The following DIP2B variants were observed in gnomAD, a reference collection of about 807,000 sequenced individuals.
DIP2B encodes the protein disco-interacting protein 2 homolog B.
Under a neutral mutation model 198.0 loss-of-function variants are expected in DIP2B, and 76 were observed. The ratio of observed to expected loss-of-function variants is 0.38; its 90% CI spans 0.32 to 0.46. DIP2B has a LOEUF of 0.46. DIP2B is among the 20% of genes least tolerant of loss of function. The probability of loss-of-function intolerance (pLI) is 0.99; values close to 1 mark genes in which losing one functional copy is unlikely to be tolerated. For missense variants in DIP2B, 1,559 were observed against 1,978.4 expected (o/e 0.79, Z 4.02); for synonymous variants, 701 against 739.1 (o/e 0.95, Z 0.84).
At chr12:50,548,386 A>G (rs1171330771) in intron 1 of DIP2B, among the ~76,000 whole-genome samples, 1 of 152,326 alleles carries the variant, frequency 6.6e-6, no homozygotes, top group Admixed American at 6.5e-5. Flanking sequence ...TTGTATTTGT[A>G]TGCATACTCA....
At chr12:50,563,788 G>A (rs1252087359) in intron 1 of DIP2B, among the ~76,000 whole-genome samples, 1 of 145,008 alleles carries the variant, frequency 6.9e-6, no homozygotes, top group African/African-American at 2.5e-5. Flanking sequence ...AAGCCACCTT[G>A]CCCAGCCTAA....
intron 1 of DIP2B, among the ~76,000 whole-genome samples, chr12:50,540,760 A>G (rs925050947): frequency 6.6e-6 from 1 of 151,146 alleles, no homozygotes; most frequent in African/African-American, 2.4e-5. Context: ...CGTGGTCTCG[A>G]TCTCCTGACC....
intron 1 of DIP2B, among the ~76,000 whole-genome samples, chr12:50,524,180 A>T (rs1958143236): frequency 1.3e-5 from 2 of 152,050 alleles, no homozygotes; most frequent in South Asian, 2.1e-4. Flanking sequence ...TTCTAAATCT[A>T]CTTCTTTCCA....
chr12:50,527,542 G>A (rs1023857953), intron 1 of DIP2B, among the ~76,000 whole-genome samples: 2 of 152,126 alleles, frequency 1.3e-5, no homozygotes, highest in East Asian at 1.9e-4. Flanking sequence ...TTGGGAGGCC[G>A]AGGCGGGAGG....
intron 1 of DIP2B, among the ~76,000 whole-genome samples, chr12:50,550,073 G>A (rs961445655): frequency 2.6e-5 from 4 of 152,070 alleles, no homozygotes; most frequent in Admixed American, 1.3e-4. Flanking sequence ...TTTAACCAGC[G>A]GGATGGCAGC....
At chr12:50,522,491 A>G (rs193210637) in intron 1 of DIP2B, among the ~76,000 whole-genome samples, 152 of 152,246 alleles carry the variant, frequency 1.0e-3, no homozygotes, top group African/African-American at 3.5e-3. Flanking sequence ...TTAGACTGGG[A>G]CAATTAAATG....
rs1287672970 is a variant in DIP2B, at chr12:50,727,780, G to A, written c.3478G>A (p.Val1160Ile). ...GATGTTGGCATATCTTGATTTTAGT[G>A]TCTCCACAACTGGCATGCTTACAGG... ...PEMLAYLDFS[V>I]STTGMLTGVK... Residue 1160 changes from valine to isoleucine, a missense_variant, in exon 29 of 38, where the codon GTC becomes ATC. Transcript: ENST00000301180. The A allele has an allele frequency of 1.9e-6, 3 of 1,613,996 alleles. No individual in the cohort carries two copies. Among genetic ancestry groups the A allele is most frequent in the Non-Finnish European group, 1.7e-6 (2 of 1,180,010 alleles).
At chr12:50,694,504 AATACATACATAC>A (rs59419587) in intron 14 of DIP2B, among the ~76,000 whole-genome samples, 13,159 of 143,594 alleles carry the variant, frequency 0.092, 642 homozygotes, top group East Asian at 0.14. Flanking sequence ...CAGATAAATA[AATACATACATAC>A]ATACATACAT....
In DIP2B at chr12:50,741,406, T is replaced by C. The variant is rs372698618; in HGVS notation, c.4355-10T>C. On this transcript the variant is annotated splice_polypyrimidine_tract_variant and intron_variant, in intron 36 of 37. Coordinates refer to ENST00000301180, the MANE Select transcript of DIP2B (RefSeq NM_173602.3). ...TCCAAGCCACATTTCTCTCTTTTTC[T>C]TTCTGTCAGAGCGTCATGATGCATT... 1 of 1,613,216 alleles carries C rather than the reference T, an allele frequency of 6.2e-7. No homozygotes were observed. Among genetic ancestry groups the C allele is most frequent in the Admixed American group, 1.7e-5 (1 of 60,010 alleles).
In DIP2B at chr12:50,548,682, C is replaced by T. The variant is rs573311574; in HGVS notation, c.100+43442C>T. Among the ~76,000 whole-genome samples the T allele has an allele frequency of 5.3e-5, 8 of 152,086 alleles. No homozygotes were observed. In the South Asian group the frequency reaches 1.2e-3, roughly 24 times the overall value. On this transcript the variant is annotated intron_variant, in intron 1 of 37. Coordinates refer to ENST00000301180, the MANE Select transcript of DIP2B (RefSeq NM_173602.3). ...CTGGGACTACAGGTACCTGCCATTG[C>T]GACTGGCTAATTTTTATATTTTTAG... is the stretch of plus-strand genomic sequence containing the variant.
chr12:50,566,553 C>A (rs1365870272), intron 1 of DIP2B, among the ~76,000 whole-genome samples: 1 of 152,044 alleles, frequency 6.6e-6, no homozygotes, highest in African/African-American at 2.4e-5. Flanking sequence ...TCTTTCTATA[C>A]CAATAATTTG....
At chr12:50,566,544 C>T (rs1246445632) in intron 1 of DIP2B, among the ~76,000 whole-genome samples, 1 of 152,046 alleles carries the variant, frequency 6.6e-6, no homozygotes, top group Non-Finnish European at 1.5e-5. Context: ...TTCAATTACT[C>T]TTTCTATACC....
At position 50,732,383 on chromosome 12, in the gene DIP2B, C is replaced by G; in HGVS notation, c.3828C>G (p.Leu1276=). ...TCTTGCAGACCAGAGGGATCAACCT[C>G]TCCTGCGTCCGGACCTGTGTGGTGG... ...VEVLKTRGIN[L]SCVRTCVVVA... The change falls in exon 32 of 38, where the codon CTC becomes CTG. Residue 1276 remains leucine, a synonymous_variant. Transcript: ENST00000301180. The G allele has an allele frequency of 6.2e-7, 1 of 1,614,216 alleles. No individual in the cohort carries two copies. The highest frequency in any genetic ancestry group is 1.1e-5 in the South Asian group (1 of 91,086).
chr12:50,592,648 T>A (rs991315806), intron 1 of DIP2B, among the ~76,000 whole-genome samples: 1 of 151,968 alleles, frequency 6.6e-6, no homozygotes, highest in African/African-American at 2.4e-5. Context: ...TGGCTAATTT[T>A]TGTATTTTTA....
chr12:50,717,658 C>T (rs529605366), intron 23 of DIP2B, among the ~76,000 whole-genome samples: 8 of 150,086 alleles, frequency 5.3e-5, no homozygotes, highest in South Asian at 4.2e-4. Flanking sequence ...TGAGCCACCA[C>T]GCCTGGCCTG....
intron 2 of DIP2B, among the ~76,000 whole-genome samples, chr12:50,637,510 A>C (rs1565853639): frequency 6.6e-6 from 1 of 152,206 alleles, no homozygotes; most frequent in Non-Finnish European, 1.5e-5. Context: ...CTTTCAGCAG[A>C]CATTCATCTT....
intron 1 of DIP2B, among the ~76,000 whole-genome samples, chr12:50,533,090 A>G (rs1310667840): frequency 6.6e-6 from 1 of 152,278 alleles, no homozygotes; most frequent in Non-Finnish European, 1.5e-5. Context: ...TGAGTCATAA[A>G]GAACAAGACA....
chr12:50,560,422 G>C (rs990406535), intron 1 of DIP2B, among the ~76,000 whole-genome samples: 1 of 150,996 alleles, frequency 6.6e-6, no homozygotes, highest in African/African-American at 2.4e-5. Flanking sequence ...AAAAAACTTA[G>C]CTGGGCGTGG....
intron 20 of DIP2B, among the ~76,000 whole-genome samples, chr12:50,705,882 A>G (rs984250225): frequency 6.6e-6 from 1 of 152,220 alleles, no homozygotes; most frequent in African/African-American, 2.4e-5. Context: ...ATGTAAATGG[A>G]CTAAGAAATT....
Sources: allele counts gnomAD v4.1 joint callset (sites outside exome capture counted in the v4.1 genomes callset), GRCh38; gene constraint gnomAD v4.1.1; transcripts MANE v1.5; gene names NCBI Gene and HGNC (gene_info 2026-07-23, HGNC 2026-07-21).